The following SH3BGRL variants were observed in gnomAD, a reference collection of about 807,000 sequenced individuals.
SH3BGRL encodes adapter SH3BGRL.
In SH3BGRL, 7 loss-of-function variants were observed where a neutral mutation model predicts 9.8. That is an observed-to-expected ratio of 0.72 (90% CI 0.41 to 1.35). The LOEUF (loss-of-function observed/expected upper bound fraction) is 1.35. Among genes scored for constraint, SH3BGRL ranks in the 40% most tolerant of loss-of-function variants. The pLI is 0.01. For synonymous variants in SH3BGRL, 36 were observed against 29.1 expected, an observed-to-expected ratio of 1.24 and a Z score of -0.76; for missense variants, 73 against 84.4, an observed-to-expected ratio of 0.86 and a Z score of 0.53.
At position 81,226,526 on chromosome X, in the gene SH3BGRL, ATC is replaced by A. The variant is rs1205899554; in HGVS notation, c.45+24291_45+24292del. ...TATATATCTATATATATATATCTAT[ATC>A]TCTCTCTCTATATATATATATATAA... On this transcript the variant is annotated intron_variant, in intron 1 of 3. Transcript: ENST00000373212. Among the ~76,000 whole-genome samples the A allele has an allele frequency of 1.9e-4, 19 of 102,420 alleles. No homozygotes were observed. In the East Asian group the frequency reaches 2.1e-3, roughly 11 times the overall value. The allele number at this position is 102,420 out of a possible 115,157, so 88.9% of individuals were successfully genotyped here. A position where few individuals can be genotyped will look rare whatever the true frequency, so the allele number is the denominator to read the frequency against.
intron 3 of SH3BGRL, among the ~76,000 whole-genome samples, chrX:81,291,023 T>G (rs183503951): frequency 8.9e-6 from 1 of 112,084 alleles, no homozygotes. Flanking sequence ...TATAAATTAT[T>G]TTTTGAGTTA....
chrX:81,211,869 A>G (rs932395401), intron 1 of SH3BGRL, among the ~76,000 whole-genome samples: 2 of 110,999 alleles, frequency 1.8e-5, no homozygotes, highest in Non-Finnish European at 3.8e-5. Flanking sequence ...AATACTTAAT[A>G]AACTCCATAT....
intron 1 of SH3BGRL, among the ~76,000 whole-genome samples, chrX:81,227,657 T>G (rs953335731): frequency 8.9e-6 from 1 of 112,268 alleles, no homozygotes; most frequent in African/African-American, 3.2e-5. Flanking sequence ...AAAGACATAA[T>G]GATTCCATTT....
intron 1 of SH3BGRL, among the ~76,000 whole-genome samples, chrX:81,208,138 T>G (rs1217848788): frequency 1.8e-5 from 2 of 110,582 alleles, no homozygotes; most frequent in Non-Finnish European, 3.8e-5. Flanking sequence ...GGCGGGCACC[T>G]GTAGTCCCAG....
chrX:81,236,993 T>C (rs1160402638), intron 1 of SH3BGRL: 1 of 510,378 alleles, frequency 2.0e-6, no homozygotes, highest in African/African-American at 2.5e-5. Flanking sequence ...GAACCTTCAG[T>C]AAGAAAGCAG....
chrX:81,297,944 C>T lies in SH3BGRL; in HGVS notation c.*717C>T, dbSNP rs2075881231. The T allele has an allele frequency of 8.9e-6, 1 of 111,806 alleles. No homozygotes were observed. The highest frequency in any genetic ancestry group is 1.9e-5 in the Non-Finnish European group (1 of 52,990). The allele number at this position is 111,806 out of a possible 1,213,427, so 9.2% of individuals were successfully genotyped here. ...TGGAATGATATATCCAAGTTCCTTG[C>T]CTCAGTGAAATATGCATATGTATAT... is the stretch of plus-strand genomic sequence containing the variant. On this transcript the variant is annotated 3_prime_UTR_variant, in exon 4 of 4. Coordinates refer to ENST00000373212, the MANE Select transcript of SH3BGRL (RefSeq NM_003022.3).
intron 1 of SH3BGRL, among the ~76,000 whole-genome samples, chrX:81,236,184 G>A (rs944289008): frequency 4.5e-5 from 5 of 111,471 alleles, no homozygotes; most frequent in South Asian, 3.7e-4. Flanking sequence ...AGTGCAGATC[G>A]TGTCCATATC....
At chrX:81,290,564 T>C (rs1185515400) in intron 3 of SH3BGRL, among the ~76,000 whole-genome samples, 1 of 110,797 alleles carries the variant, frequency 9.0e-6, no homozygotes, top group Non-Finnish European at 1.9e-5. Flanking sequence ...AGAAAGATGG[T>C]TACCAGAGGT....
chrX:81,280,982 A>T (rs1439730595), intron 3 of SH3BGRL, among the ~76,000 whole-genome samples: 1 of 111,390 alleles, frequency 9.0e-6, no homozygotes, highest in Non-Finnish European at 1.9e-5. Context: ...AAAAAACAAT[A>T]AAAAATTCAG....
rs1365876259 is a variant in SH3BGRL, at chrX:81,298,068, C to T, written c.*841C>T. ...ATAAAACAGGTTGGCGATCATTTCC[C>T]AAGATTGGTTTCCCTTGAGTTTTTG... is the stretch of plus-strand genomic sequence containing the variant. On this transcript the variant is annotated 3_prime_UTR_variant, in exon 4 of 4. Transcript: ENST00000373212. The T allele has an allele frequency of 8.9e-6, 1 of 111,766 alleles. No homozygotes were observed. Among genetic ancestry groups the T allele is most frequent in the Non-Finnish European group, 1.9e-5 (1 of 52,902 alleles). The allele number at this position is 111,766 out of a possible 1,213,427, so 9.2% of individuals were successfully genotyped here.
intron 1 of SH3BGRL, among the ~76,000 whole-genome samples, chrX:81,219,090 T>C (rs942115672): frequency 2.1e-4 from 23 of 109,665 alleles, no homozygotes; most frequent in African/African-American, 6.6e-4. Flanking sequence ...GATCTAGACA[T>C]CCAACTACAA....
intron 1 of SH3BGRL, among the ~76,000 whole-genome samples, chrX:81,215,192 C>A (rs755208836): frequency 2.4e-3 from 268 of 109,672 alleles, no homozygotes; most frequent in Non-Finnish European, 4.2e-3. Context: ...AAACTCTCTC[C>A]CCTAGAATTT....
At chrX:81,232,318 A>G (rs2075635328) in intron 1 of SH3BGRL, among the ~76,000 whole-genome samples, 1 of 110,488 alleles carries the variant, frequency 9.1e-6, no homozygotes, top group African/African-American at 3.3e-5. Context: ...AGTTGTGATG[A>G]CTAAACAAGA....
chrX:81,280,954 A>G (rs2075814931), intron 3 of SH3BGRL, among the ~76,000 whole-genome samples: 1 of 111,415 alleles, frequency 9.0e-6, no homozygotes, highest in Non-Finnish European at 1.9e-5. Context: ...ATATTCAATG[A>G]AATAGACAGT....
chrX:81,280,210 C>T (rs2075811951), intron 3 of SH3BGRL, among the ~76,000 whole-genome samples: 1 of 110,159 alleles, frequency 9.1e-6, no homozygotes, highest in Non-Finnish European at 1.9e-5. Context: ...ACATGCCCAG[C>T]CCCTCCCCCA....
intron 3 of SH3BGRL, among the ~76,000 whole-genome samples, chrX:81,287,202 GAA>G (rs932483861): frequency 9.0e-6 from 1 of 111,578 alleles, no homozygotes; most frequent in Non-Finnish European, 1.9e-5. Flanking sequence ...TTGGTATTTT[GAA>G]AAGTTAAACA....
At chrX:81,223,828 C>T (rs1286636901) in intron 1 of SH3BGRL, among the ~76,000 whole-genome samples, 1 of 111,444 alleles carries the variant, frequency 9.0e-6, no homozygotes, top group Non-Finnish European at 1.9e-5. Context: ...AGTACCCTCC[C>T]TAGTACCAGG....
chrX:81,272,164 T>A (rs1375220049), intron 1 of SH3BGRL, among the ~76,000 whole-genome samples: 1 of 93,156 alleles, frequency 1.1e-5, no homozygotes. Context: ...GCCACTGCAC[T>A]CCAGCCTGGG....
At chrX:81,204,776 C>T (rs1189579491) in intron 1 of SH3BGRL, among the ~76,000 whole-genome samples, 1 of 111,678 alleles carries the variant, frequency 9.0e-6, no homozygotes, top group Non-Finnish European at 1.9e-5. Flanking sequence ...GAGCAGAGAT[C>T]GCACCACTGC....
Sources: gnomAD v4.1 joint callset for allele counts (sites outside exome capture counted in the v4.1 genomes callset) on GRCh38, gnomAD v4.1.1 for gene constraint, MANE v1.5 for transcripts, NCBI Gene and HGNC (gene_info 2026-07-23, HGNC 2026-07-21) for gene names.